The following RSF1 variants were observed in gnomAD, a reference collection of about 807,000 sequenced individuals.
RSF1 encodes remodeling and spacing factor 1.
A neutral mutation model predicts 145.2 loss-of-function variants in RSF1; 13 were observed. That is an observed-to-expected ratio of 0.09 (90% CI 0.06 to 0.14). The LOEUF (loss-of-function observed/expected upper bound fraction) is 0.14, where lower values mean the gene tolerates loss of function less well. Among genes scored for constraint, RSF1 ranks in the 10% least tolerant of loss-of-function variants. RSF1 has a pLI of 1.00. For missense variants in RSF1, 1,517 were observed against 1,718.2 expected (o/e 0.88, Z 2.07); for synonymous variants, 577 against 592.6 (o/e 0.97, Z 0.38).
chr11:77,867,928 T>G, the RSF1 span, among the ~76,000 whole-genome samples: 2 of 152,330 alleles, frequency 1.3e-5, no homozygotes, highest in Admixed American at 6.5e-5. Context: ...TAGAGATTGT[T>G]ATGAAATTTT....
At chr11:77,864,340 G>A in the RSF1 span, among the ~76,000 whole-genome samples, 1 of 151,584 alleles carries the variant, frequency 6.6e-6, no homozygotes, top group African/African-American at 2.4e-5. Flanking sequence ...GCTATAGGCT[G>A]AGGCAGGGAG....
chr11:77,783,251 T>A (rs1055806469), intron 1 of RSF1, among the ~76,000 whole-genome samples: 4 of 152,220 alleles, frequency 2.6e-5, no homozygotes, highest in Non-Finnish European at 5.9e-5. Flanking sequence ...TCATATATTG[T>A]GAAATTTGCA....
the RSF1 span, chr11:77,869,952 G>GAATGTGTGCAGCCA: frequency 1.4e-6 from 1 of 706,726 alleles, no homozygotes; most frequent in Non-Finnish European, 2.4e-6. Flanking sequence ...GATAGCAGTG[G>GAATGTGTGCAGCCA]CTGCACACAT....
chr11:77,701,932 C>T lies in RSF1; in HGVS notation c.1297G>A (p.Ala433Thr), dbSNP rs1267685198. The change falls in exon 6 of 16, where the codon GCT becomes ACT. Residue 433 changes from alanine to threonine, a missense_variant. Transcript: ENST00000308488. ...ETCKRISTITALGHEGKQLVN... is the reference protein window; with the variant it reads ...ETCKRISTITTLGHEGKQLVN... ...AGCTGTTTCCCTTCATGACCCAAAG[C>T]AGTGATTGTAGAGATCCTTTTACAA... The T allele has an allele frequency of 6.2e-7, 1 of 1,613,684 alleles. No individual in the cohort carries two copies. Among genetic ancestry groups the T allele is most frequent in the Non-Finnish European group, 8.5e-7 (1 of 1,179,858 alleles).
intron 11 of RSF1, 42 bp downstream of exon 11, chr11:77,683,668 A>T (rs1318573323): frequency 7.3e-7 from 1 of 1,373,700 alleles, no homozygotes; most frequent in Non-Finnish European, 1.0e-6. Flanking sequence ...TACTTGCAAA[A>T]TAAATCCTCT....
intron 3 of RSF1, among the ~76,000 whole-genome samples, chr11:77,745,951 TTATGTA>T (rs961719450): frequency 6.6e-6 from 1 of 152,094 alleles, no homozygotes; most frequent in Non-Finnish European, 1.5e-5. Context: ...ATCCACTTTC[TTATGTA>T]TTTACATAAT....
At chr11:77,847,764 A>C in the RSF1 span, among the ~76,000 whole-genome samples, 1 of 152,230 alleles carries the variant, frequency 6.6e-6, no homozygotes, top group Admixed American at 6.5e-5. Context: ...TGTATTAGTC[A>C]GGGTTCTCCA....
intron 12 of RSF1, 160 bp from the exon 13 acceptor site, chr11:77,677,159 G>C (rs187041150): frequency 1.6e-6 from 1 of 621,162 alleles, no homozygotes; most frequent in Admixed American, 3.1e-5. Flanking sequence ...AGCTGACAGA[G>C]GTCTCAGAGT....
rs1959239037 is a variant in RSF1 at position 77,661,830 on chromosome 11, C to T, written c.*5087G>A. 6.6e-6 allele frequency: 1 copy of T among 151,550 alleles called. No homozygotes were observed. The highest frequency in any genetic ancestry group is 1.5e-5 in the Non-Finnish European group (1 of 67,912). The allele number at this position is 151,550 out of a possible 1,614,324, so 9.4% of individuals were successfully genotyped here. Reference sequence around the variant, plus strand: ...CAGAAGGTTTTGAGCCATGAAGTTCCCCAATAACTATGTTCTGGCTGTTCA... The same window carrying T: ...CAGAAGGTTTTGAGCCATGAAGTTCTCCAATAACTATGTTCTGGCTGTTCA... On this transcript the variant is annotated 3_prime_UTR_variant, in exon 16 of 16. Transcript: ENST00000308488.
chr11:77,841,733 C>T, the RSF1 span, among the ~76,000 whole-genome samples: 1 of 152,164 alleles, frequency 6.6e-6, no homozygotes, highest in Non-Finnish European at 1.5e-5. Context: ...GCTTATAAAG[C>T]CCCCTGTGGC....
At chr11:77,678,177 T>A (rs1959761475) in intron 11 of RSF1, 24 bp from the exon 12 acceptor site, 1 of 1,324,628 alleles carries the variant, frequency 7.5e-7, no homozygotes. Flanking sequence ...AATGATCACA[T>A]TATAGCCTGT....
At chr11:77,722,214 G>A (rs921354653) in intron 5 of RSF1, among the ~76,000 whole-genome samples, 1 of 152,064 alleles carries the variant, frequency 6.6e-6, no homozygotes, top group Non-Finnish European at 1.5e-5. Flanking sequence ...CAAAGAGAAT[G>A]AAATGTCCTG....
At chr11:77,707,657 C>T (rs66675536) in intron 5 of RSF1, among the ~76,000 whole-genome samples, 27,212 of 152,078 alleles carry the variant, frequency 0.18, 3,069 homozygotes, top group African/African-American at 0.3. Flanking sequence ...TATTTAGTCA[C>T]AATGTTCAAA....
the RSF1 span, among the ~76,000 whole-genome samples, chr11:77,829,176 A>G: frequency 2.0e-5 from 3 of 146,884 alleles, no homozygotes; most frequent in Admixed American, 6.9e-5. Flanking sequence ...TTATAAGAAC[A>G]GAAATAGAGA....
chr11:77,701,401 C>T lies in RSF1; in HGVS notation c.1828G>A (p.Val610Ile), dbSNP rs199805709. ...AQRLSPIPEE[V>I]PKSTLESEKP... ...TCTGACTCTAGAGTACTCTTTGGAA[C>T]TTCTTCTGGTATTGGACTCAATCTT... is the stretch of plus-strand genomic sequence containing the variant. Residue 610 changes from valine (V) to isoleucine (I), a missense_variant, in exon 6 of 16, where the codon GTT becomes ATT. Physicochemically the swap from Val to Ile is conservative, Grantham distance 29. Transcript: ENST00000308488. The T allele has an allele frequency of 6.2e-7, 1 of 1,613,998 alleles. No individual in the cohort carries two copies. The highest frequency in any genetic ancestry group is 8.5e-7 in the Non-Finnish European group (1 of 1,179,994).
intron 5 of RSF1, among the ~76,000 whole-genome samples, chr11:77,721,128 C>T (rs1960931922): frequency 1.3e-5 from 2 of 152,084 alleles, no homozygotes; most frequent in South Asian, 4.1e-4. Flanking sequence ...TTGTTATTCC[C>T]TCTCCAGTGC....
chr11:77,671,282 T>C (rs936210422), intron 15 of RSF1, among the ~76,000 whole-genome samples: 1 of 147,372 alleles, frequency 6.8e-6, no homozygotes, highest in African/African-American at 2.6e-5. Flanking sequence ...TTAGAGCTTG[T>C]CTTGTACTAC....
chr11:77,714,114 A>T (rs67736392), intron 5 of RSF1, among the ~76,000 whole-genome samples: 27,387 of 152,118 alleles, frequency 0.18, 3,108 homozygotes, highest in African/African-American at 0.3. Context: ...TCTCCCATAA[A>T]TTTATTTGAA....
the RSF1 span, among the ~76,000 whole-genome samples, chr11:77,836,660 T>C: frequency 6.6e-6 from 1 of 152,230 alleles, no homozygotes; most frequent in South Asian, 2.1e-4. Context: ...AGTTACTTTG[T>C]TTTTTCTTAA....
Sources: gnomAD v4.1 joint callset for allele counts (sites outside exome capture counted in the v4.1 genomes callset) on GRCh38, gnomAD v4.1.1 for gene constraint, MANE v1.5 for transcripts, NCBI Gene and HGNC (gene_info 2026-07-23, HGNC 2026-07-21) for gene names.